ELOVL6: variants seen among roughly 807,000 people sequenced by gnomAD.
ELOVL6 encodes very long chain fatty acid elongase 6.
In ELOVL6, 8 loss-of-function variants were observed where a neutral mutation model predicts 31.7. The ratio of observed to expected loss-of-function variants is 0.25; its 90% CI spans 0.15 to 0.45. ELOVL6 has a LOEUF of 0.45. Ranked by LOEUF, ELOVL6 falls within the 20% of genes least tolerant of loss-of-function variation. The pLI is 1.00. For synonymous variants in ELOVL6, 101 were observed against 117.7 expected, an observed-to-expected ratio of 0.86 and a Z score of 0.92; for missense variants, 126 against 326.4, an observed-to-expected ratio of 0.39 and a Z score of 4.73.
intron 2 of ELOVL6, among the ~76,000 whole-genome samples, chr4:110,091,861 T>C (rs1756436314): frequency 6.6e-6 from 1 of 152,196 alleles, no homozygotes; most frequent in African/African-American, 2.4e-5. Context: ...GTGCAAGGAA[T>C]GAAGTATTAT....
intron 1 of ELOVL6, among the ~76,000 whole-genome samples, chr4:110,125,702 C>A (rs1757471686): frequency 6.6e-6 from 1 of 151,736 alleles, no homozygotes; most frequent in African/African-American, 2.4e-5. Flanking sequence ...TGGCATACGC[C>A]TGTAGTCCCA....
chr4:110,070,661 G>T (rs1175928053), intron 2 of ELOVL6, among the ~76,000 whole-genome samples: 2 of 152,132 alleles, frequency 1.3e-5, no homozygotes, highest in Non-Finnish European at 2.9e-5. Flanking sequence ...TTGGAGGGGT[G>T]GACTTCCCCC....
intron 1 of ELOVL6, among the ~76,000 whole-genome samples, chr4:110,106,074 T>C (rs1756881607): frequency 6.6e-6 from 1 of 152,190 alleles, no homozygotes; most frequent in Admixed American, 6.5e-5. Context: ...AATTTTATCT[T>C]GGGTGGGTGT....
At chr4:110,079,581 A>T (rs1288436709) in intron 2 of ELOVL6, among the ~76,000 whole-genome samples, 1 of 152,220 alleles carries the variant, frequency 6.6e-6, no homozygotes, top group African/African-American at 2.4e-5. Flanking sequence ...TCTGGGACAT[A>T]TTCAAAGCAG....
At chr4:110,140,352 C>T (rs1757919643) in intron 1 of ELOVL6, among the ~76,000 whole-genome samples, 1 of 152,100 alleles carries the variant, frequency 6.6e-6, no homozygotes, top group East Asian at 1.9e-4. Context: ...GTTTCTATCC[C>T]CTGCTCTGCT....
chr4:110,112,272 G>A lies in ELOVL6; in HGVS notation c.90-6644C>T, dbSNP rs549661221. 3.3e-5 allele frequency among the ~76,000 whole-genome samples: 5 copies of A among 152,334 alleles called. No homozygotes were observed. The South Asian group carries it at 1.0e-3, about 32-fold the overall frequency. Reference sequence around the variant, plus strand: ...TCTCGATCAATGCACTGAAGTGTGTGTGTGAACTGCGGCTCTTCACAGGAA... The same window carrying A: ...TCTCGATCAATGCACTGAAGTGTGTATGTGAACTGCGGCTCTTCACAGGAA... On this transcript the variant is annotated intron_variant, in intron 1 of 3. Coordinates refer to ENST00000302274, the MANE Select transcript of ELOVL6 (RefSeq NM_024090.3).
At chr4:110,155,456 CA>C (rs963762462) in intron 1 of ELOVL6, among the ~76,000 whole-genome samples, 13 of 151,954 alleles carry the variant, frequency 8.6e-5, no homozygotes, top group Admixed American at 6.6e-5. Context: ...TTCAATCTAT[CA>C]AAGATACTTA....
intron 1 of ELOVL6, among the ~76,000 whole-genome samples, chr4:110,150,035 CT>C (rs886390247): frequency 6.6e-6 from 1 of 150,772 alleles, no homozygotes; most frequent in Non-Finnish European, 1.5e-5. Context: ...GAAACTGTTT[CT>C]TTTTTTTTCT....
chr4:110,191,574 G>A lies in ELOVL6; in HGVS notation c.89+6673C>T, dbSNP rs145653850. On this transcript the variant is annotated intron_variant, in intron 1 of 3. Coordinates refer to ENST00000302274, the MANE Select transcript of ELOVL6 (RefSeq NM_024090.3). Reference sequence around the variant, plus strand: ...AAGTTAATCATTAAGACAATGTTTGGTTAACTCATTTCAGAAAATAAAATA... The same window carrying A: ...AAGTTAATCATTAAGACAATGTTTGATTAACTCATTTCAGAAAATAAAATA... 1.7e-3 allele frequency among the ~76,000 whole-genome samples: 256 copies of A among 152,224 alleles called. 1 individual carries two copies. The highest frequency in any genetic ancestry group is 5.9e-3 in the African/African-American group (243 of 41,526).
rs1204167510 is a variant in ELOVL6 at position 110,084,282 on chromosome 4, A to G, written c.221+21215T>C. 3.2e-5 allele frequency among the ~76,000 whole-genome samples: 4 copies of G among 126,210 alleles called. 2 individuals carry two copies. Among genetic ancestry groups the G allele is most frequent in the Non-Finnish European group, 6.2e-5 (4 of 64,284 alleles). The allele number at this position is 126,210 out of a possible 152,430, so 82.8% of individuals were successfully genotyped here. A position where few individuals can be genotyped will look rare whatever the true frequency, so the allele number is the denominator to read the frequency against. On this transcript the variant is annotated intron_variant, in intron 2 of 3. Coordinates refer to ENST00000302274, the MANE Select transcript of ELOVL6 (RefSeq NM_024090.3). Reference sequence around the variant, plus strand: ...ATAGCTTATATGTGATATATAACATATATAACTTATATATGATATATAACA... The same window carrying G: ...ATAGCTTATATGTGATATATAACATGTATAACTTATATATGATATATAACA...
intron 2 of ELOVL6, among the ~76,000 whole-genome samples, chr4:110,091,365 A>G (rs1262150543): frequency 6.6e-6 from 1 of 152,176 alleles, no homozygotes; most frequent in South Asian, 2.1e-4. Context: ...ACAACTGGAA[A>G]AGTACTAGAG....
chr4:110,071,978 C>T (rs1428638909), intron 2 of ELOVL6, among the ~76,000 whole-genome samples: 1 of 152,218 alleles, frequency 6.6e-6, no homozygotes, highest in Non-Finnish European at 1.5e-5. Flanking sequence ...CCAGCCTCCT[C>T]CTCACCTGGA....
intron 2 of ELOVL6, among the ~76,000 whole-genome samples, chr4:110,084,401 G>GATATATATCGC (rs1306585444): frequency 2.3e-4 from 4 of 17,506 alleles, no homozygotes; most frequent in Admixed American, 6.6e-4. Context: ...TATGATATAT[G>GATATATATCGC]ATATATGACA....
rs1560813984 is a variant in ELOVL6, at chr4:110,084,103, A to ATATATGATATATATAACATATATATGC, written c.221+21393_221+21394insGCATATATATGTTATATATATCATATA. On this transcript the variant is annotated intron_variant, in intron 2 of 3. Transcript: ENST00000302274. Reference sequence around the variant, plus strand: ...ATATATGATATATAACATATATATGATATATATGATATATATAACATATAT... The same window carrying ATATATGATATATATAACATATATATGC: ...ATATATGATATATAACATATATATGATATATGATATATATAACATATATATGCTATATATGATATATATAACATATAT... 2.0e-3 allele frequency among the ~76,000 whole-genome samples: 173 copies of ATATATGATATATATAACATATATATGC among 84,558 alleles called. 17 individuals are homozygous for ATATATGATATATATAACATATATATGC. Among genetic ancestry groups the ATATATGATATATATAACATATATATGC allele is most frequent in the Non-Finnish European group, 3.4e-3 (153 of 45,268 alleles). 55.5% of individuals were successfully genotyped at this position (84,558 alleles called of 152,430 possible). A position where few individuals can be genotyped will look rare whatever the true frequency, so the allele number is the denominator to read the frequency against.
chr4:110,171,025 T>C (rs1560855725), intron 1 of ELOVL6, among the ~76,000 whole-genome samples: 1 of 152,182 alleles, frequency 6.6e-6, no homozygotes, highest in Non-Finnish European at 1.5e-5. Flanking sequence ...AGAAGGGATC[T>C]TGCCCCTTAC....
chr4:110,138,314 A>T (rs1485215167), intron 1 of ELOVL6, among the ~76,000 whole-genome samples: 1 of 152,214 alleles, frequency 6.6e-6, no homozygotes, highest in Non-Finnish European at 1.5e-5. Flanking sequence ...CATTAATTCC[A>T]CAAATCCTAC....
chr4:110,141,748 A>AG lies in ELOVL6; in HGVS notation c.90-36121_90-36120insC, dbSNP rs1264465936. Among the ~76,000 whole-genome samples the AG allele has an allele frequency of 4.7e-4, 63 of 133,132 alleles. 1 individual carries two copies. The highest frequency in any genetic ancestry group is 1.6e-3 in the African/African-American group (52 of 32,734). The allele number at this position is 133,132 out of a possible 152,430, so 87.3% of individuals were successfully genotyped here. On this transcript the variant is annotated intron_variant, in intron 1 of 3. Coordinates refer to ENST00000302274, the MANE Select transcript of ELOVL6 (RefSeq NM_024090.3). Reference sequence around the variant, plus strand: ...TAATTGTATTGTATTGTATTTATATATATAGTATTGTATTAGTATATATAT... The same window carrying AG: ...TAATTGTATTGTATTGTATTTATATAGTATAGTATTGTATTAGTATATATAT...
Position 110,051,509 on chromosome 4 carries a change from G to T in ELOVL6, c.627C>A (p.Gly209=). 6.2e-7 allele frequency: 1 copy of T among 1,614,222 alleles called. No homozygotes were observed. The change falls in exon 4 of 4, where the codon GGC becomes GGA. Residue 209 remains glycine, a synonymous_variant. Transcript: ENST00000302274. This position sits in a 1 kb window ranked among gnomAD's most constrained non-coding sequence, Gnocchi z 4.8. The part of the protein sequence containing the change: ...TLSQITQMLM[G]CVVNYLVFCW... ...AGAAGACCAGGTAGTTAACCACACA[G>T]CCCATCAGCATCTGAGTGATCTGGG...
intron 2 of ELOVL6, among the ~76,000 whole-genome samples, chr4:110,060,815 A>G (rs771085895): frequency 1.2e-4 from 19 of 152,324 alleles, no homozygotes; most frequent in Non-Finnish European, 1.9e-4. Flanking sequence ...GAGATCAATG[A>G]ATGAACAACT....
Sources: allele counts gnomAD v4.1 joint callset (sites outside exome capture counted in the v4.1 genomes callset), GRCh38; gene constraint gnomAD v4.1.1; non-coding constraint Gnocchi (gnomAD v3.1); transcripts MANE v1.5; gene names NCBI Gene and HGNC (gene_info 2026-07-23, HGNC 2026-07-21).